CACNA2D3: variants seen among roughly 807,000 people sequenced by gnomAD.
The protein encoded by CACNA2D3 is voltage-dependent calcium channel subunit alpha-2/delta-3.
A neutral mutation model predicts 160.6 loss-of-function variants in CACNA2D3; 60 were observed. The ratio of observed to expected loss-of-function variants is 0.37; its 90% CI spans 0.30 to 0.46. The LOEUF (loss-of-function observed/expected upper bound fraction) is 0.46, where lower values mean the gene tolerates loss of function less well. Ranked by LOEUF, CACNA2D3 falls within the 20% of genes least tolerant of loss-of-function variation. The pLI is 1.00. For synonymous variants in CACNA2D3, 558 were observed against 492.9 expected (o/e 1.13, Z -1.75); for missense variants, 1,205 against 1,365.0 (o/e 0.88, Z 1.85).
intron 2 of CACNA2D3, among the ~76,000 whole-genome samples, chr3:54,208,458 C>T (rs1301231010): frequency 2.0e-5 from 3 of 152,172 alleles, no homozygotes; most frequent in African/African-American, 7.2e-5. Flanking sequence ...CCTGATAGAG[C>T]TGGTTTCCAA....
intron 2 of CACNA2D3, among the ~76,000 whole-genome samples, chr3:54,157,669 T>C (rs1275195835): frequency 6.6e-6 from 1 of 152,060 alleles, no homozygotes; most frequent in Admixed American, 6.6e-5. Flanking sequence ...TGCATGCCTG[T>C]AATCCTCGTT....
At chr3:54,171,643 A>G (rs143942070) in intron 2 of CACNA2D3, among the ~76,000 whole-genome samples, 2 of 152,296 alleles carry the variant, frequency 1.3e-5, no homozygotes, top group Non-Finnish European at 2.9e-5. Context: ...TAAACTGTTC[A>G]AGCTACCAGC....
chr3:54,568,360 G>A (rs1481723251), intron 6 of CACNA2D3, among the ~76,000 whole-genome samples: 2 of 152,174 alleles, frequency 1.3e-5, no homozygotes, highest in Admixed American at 6.5e-5. Context: ...AGGGGTGGCC[G>A]TGGTCTTAAG....
chr3:54,758,947 C>A (rs1318456044), intron 12 of CACNA2D3, among the ~76,000 whole-genome samples: 1 of 152,184 alleles, frequency 6.6e-6, no homozygotes, highest in East Asian at 1.9e-4. Context: ...TGGATCTGGT[C>A]ATTGCAAAGT....
chr3:54,255,389 A>T (rs1189584543), intron 2 of CACNA2D3, among the ~76,000 whole-genome samples: 1 of 152,252 alleles, frequency 6.6e-6, no homozygotes, highest in East Asian at 1.9e-4. Context: ...AAAGAACAGA[A>T]TGAAATGCGG....
intron 5 of CACNA2D3, among the ~76,000 whole-genome samples, chr3:54,529,502 G>A (rs772404013): frequency 5.9e-5 from 9 of 152,152 alleles, no homozygotes; most frequent in East Asian, 1.9e-4. Flanking sequence ...TGACATCAGC[G>A]GGGTGGACCT....
chr3:54,566,452 A>G (rs2106713522), intron 6 of CACNA2D3, among the ~76,000 whole-genome samples: 1 of 152,204 alleles, frequency 6.6e-6, no homozygotes, highest in Admixed American at 6.5e-5. Flanking sequence ...CCTCTGTGGG[A>G]CCCGTTTTCT....
chr3:54,255,163 G>C (rs1702269847), intron 2 of CACNA2D3, among the ~76,000 whole-genome samples: 1 of 152,214 alleles, frequency 6.6e-6, no homozygotes, highest in Non-Finnish European at 1.5e-5. Flanking sequence ...AATCATGTTT[G>C]ATTTTATAGT....
chr3:54,172,924 G>C (rs1446970062), intron 2 of CACNA2D3, among the ~76,000 whole-genome samples: 1 of 152,204 alleles, frequency 6.6e-6, no homozygotes, highest in Non-Finnish European at 1.5e-5. Context: ...GCTTCAAGAA[G>C]GGCCTCTCTG....
At chr3:54,781,516 T>G (rs868567591) in intron 13 of CACNA2D3, among the ~76,000 whole-genome samples, 6 of 152,298 alleles carry the variant, frequency 3.9e-5, no homozygotes, top group Admixed American at 6.5e-5. Flanking sequence ...TAAAGTTACC[T>G]AGTTCATTGA....
intron 14 of CACNA2D3, among the ~76,000 whole-genome samples, chr3:54,828,652 A>G (rs1014205104): frequency 6.6e-6 from 1 of 152,220 alleles, no homozygotes; most frequent in African/African-American, 2.4e-5. Flanking sequence ...TATATTCACA[A>G]AGTTGTCTTC....
At chr3:54,647,215 A>C (rs889756925) in intron 11 of CACNA2D3, among the ~76,000 whole-genome samples, 3 of 152,144 alleles carry the variant, frequency 2.0e-5, no homozygotes, top group African/African-American at 7.2e-5. Flanking sequence ...GACCCACAAA[A>C]ACTGTGAGAT....
chr3:54,181,237 G>T (rs1700777335), intron 2 of CACNA2D3, among the ~76,000 whole-genome samples: 1 of 152,154 alleles, frequency 6.6e-6, no homozygotes, highest in South Asian at 2.1e-4. Flanking sequence ...CTATGGTGAT[G>T]AATAGATATT....
At chr3:54,226,497 C>T (rs560681307) in intron 2 of CACNA2D3, among the ~76,000 whole-genome samples, 1 of 152,020 alleles carries the variant, frequency 6.6e-6, no homozygotes, top group African/African-American at 2.4e-5. Context: ...AGACAAGGGT[C>T]TTGATATGTT....
intron 11 of CACNA2D3, among the ~76,000 whole-genome samples, chr3:54,665,205 C>G: frequency 6.6e-6 from 1 of 152,156 alleles, no homozygotes; most frequent in East Asian, 1.9e-4. Context: ...TCCTTTCTAG[C>G]AGGGAATCGT....
At chr3:54,449,136 A>T (rs1407317637) in intron 4 of CACNA2D3, among the ~76,000 whole-genome samples, 1 of 152,220 alleles carries the variant, frequency 6.6e-6, no homozygotes, top group African/African-American at 2.4e-5. Flanking sequence ...GGAGTAAAGA[A>T]GCTGGATCCA....
intron 4 of CACNA2D3, among the ~76,000 whole-genome samples, chr3:54,452,460 A>G (rs1700323618): frequency 6.6e-6 from 1 of 152,194 alleles, no homozygotes; most frequent in African/African-American, 2.4e-5. Flanking sequence ...CTTCTGTAAG[A>G]TGATAGTAGC....
At chr3:54,397,432 C>T in intron 4 of CACNA2D3, among the ~76,000 whole-genome samples, 1 of 70,452 alleles carries the variant, frequency 1.4e-5, no homozygotes. Context: ...TGGATCTTTC[C>T]TGCTTTCTCT....
chr3:54,127,322 A>G (rs368303585), intron 2 of CACNA2D3, among the ~76,000 whole-genome samples: 1 of 152,246 alleles, frequency 6.6e-6, no homozygotes, highest in Non-Finnish European at 1.5e-5. Flanking sequence ...TGTTTTTTAC[A>G]TTATCAACTA....
Sources: allele counts gnomAD v4.1 joint callset (sites outside exome capture counted in the v4.1 genomes callset), GRCh38; gene constraint gnomAD v4.1.1; transcripts MANE v1.5; gene names NCBI Gene and HGNC (gene_info 2026-07-23, HGNC 2026-07-21).